TBC1D15: variants seen among roughly 807,000 people sequenced by gnomAD.
TBC1D15 encodes GAP for RAB7.
TBC1D15 carries 39 observed loss-of-function variants against 95.4 expected under a neutral mutation model. That is an observed-to-expected ratio of 0.41 (90% CI 0.32 to 0.53). TBC1D15 has a LOEUF of 0.53. Among genes scored for constraint, TBC1D15 ranks in the 20% least tolerant of loss-of-function variants. TBC1D15 has a pLI of 0.29. For missense variants in TBC1D15, 733 were observed against 794.3 expected, an observed-to-expected ratio of 0.92 and a Z score of 0.93; for synonymous variants, 258 against 261.3, an observed-to-expected ratio of 0.99 and a Z score of 0.12.
At chr12:71,850,146 A>G (rs1268899402) in intron 1 of TBC1D15, 1 of 545,196 alleles carries the variant, frequency 1.8e-6, no homozygotes, top group Non-Finnish European at 3.5e-6. Flanking sequence ...TTCTCATGAT[A>G]ATCATATTAT....
intron 10 of TBC1D15, among the ~76,000 whole-genome samples, 191 bp from the exon 11 acceptor site, chr12:71,906,831 T>G (rs1396493046): frequency 6.6e-6 from 1 of 152,182 alleles, no homozygotes; most frequent in Non-Finnish European, 1.5e-5. Context: ...GAGGACTGAT[T>G]CTTGAAAAAA....
chr12:71,916,426 G>A (rs936565967), intron 12 of TBC1D15, among the ~76,000 whole-genome samples: 31 of 152,122 alleles, frequency 2.0e-4, no homozygotes, highest in African/African-American at 7.2e-4. Flanking sequence ...CTTCTCTATA[G>A]ATCTCTCTGG....
intron 5 of TBC1D15, among the ~76,000 whole-genome samples, chr12:71,886,613 T>A (rs1896284008): frequency 6.6e-6 from 1 of 152,258 alleles, no homozygotes; most frequent in Non-Finnish European, 1.5e-5. Context: ...GTGTATTTTC[T>A]GGCCTGAGAT....
intron 1 of TBC1D15, chr12:71,849,462 A>G: frequency 1.0e-6 from 1 of 982,046 alleles, no homozygotes; most frequent in Non-Finnish European, 1.6e-6. Context: ...GGAAGATTCC[A>G]AACTCATTCC....
At chr12:71,900,058 G>T (rs1899014278) in intron 10 of TBC1D15, among the ~76,000 whole-genome samples, 1 of 152,104 alleles carries the variant, frequency 6.6e-6, no homozygotes, top group Non-Finnish European at 1.5e-5. Context: ...GTGTGAAGGG[G>T]AAAGAGAAAT....
At chr12:71,854,577 A>G (rs1888589344) in intron 1 of TBC1D15, 1 of 456,590 alleles carries the variant, frequency 2.2e-6, no homozygotes, top group African/African-American at 2.0e-5. Flanking sequence ...CATTATCAGC[A>G]AGATATTCAA....
Position 71,897,940 on chromosome 12 carries a change from C to G in TBC1D15, c.1182C>G (p.Ile394Met). Residue 394 changes from isoleucine (I) to methionine (M), a missense_variant and splice_region_variant, in exon 10 of 17, where the codon ATC (isoleucine) becomes ATG (methionine). Transcript: ENST00000485960. ...GGTTAAGAGATTATAGAAGTCTTAT[C>G]GGTAATTTTTTCTTAACAACTTTGG... The part of the protein sequence containing the change: ...NSRLRDYRSL[I>M]EKDVNRTDRT... 6.2e-7 allele frequency: 1 copy of G among 1,609,770 alleles called. No individual in the cohort carries two copies. Among genetic ancestry groups the G allele is most frequent in the Non-Finnish European group, 8.5e-7 (1 of 1,177,230 alleles).
rs765120637 is a variant in TBC1D15, at chr12:71,917,738, A to T, written c.1442A>T (p.Gln481Leu). 1 of 1,613,046 alleles carries T rather than the reference A, an allele frequency of 6.2e-7. No individual in the cohort carries two copies. The highest frequency in any genetic ancestry group is 1.1e-5 in the South Asian group (1 of 90,902). ...GAACAAATGCAAGGCATGAAGACCCAGCTAATTCAGCTGAGTACCTTACTT... is the reference window on the plus strand; with the variant it reads ...GAACAAATGCAAGGCATGAAGACCCTGCTAATTCAGCTGAGTACCTTACTT... ...FEEQMQGMKTQLIQLSTLLRL... is the reference protein window; with the variant it reads ...FEEQMQGMKTLLIQLSTLLRL... Residue 481 changes from glutamine (Q) to leucine (L), a missense_variant, in exon 13 of 17, where the codon CAG becomes CTG. Physicochemically the swap from Gln to Leu is moderately radical, Grantham distance 113. Coordinates refer to ENST00000485960, the MANE Select transcript of TBC1D15 (RefSeq NM_001146213.3).
At chr12:71,901,065 T>C (rs543501106) in intron 10 of TBC1D15, among the ~76,000 whole-genome samples, 9 of 152,312 alleles carry the variant, frequency 5.9e-5, no homozygotes, top group Middle Eastern at 3.4e-3. Flanking sequence ...AGATTCTTGC[T>C]TGTCACCCAG....
chr12:71,889,880 A>G (rs553597166), intron 5 of TBC1D15, among the ~76,000 whole-genome samples: 24 of 152,258 alleles, frequency 1.6e-4, no homozygotes, highest in Admixed American at 8.5e-4. Flanking sequence ...CTTATAAGTG[A>G]GAACATGTAG....
At chr12:71,864,149 A>C (rs1460576569) in intron 1 of TBC1D15, among the ~76,000 whole-genome samples, 2 of 151,700 alleles carry the variant, frequency 1.3e-5, no homozygotes, top group Non-Finnish European at 2.9e-5. Flanking sequence ...GGCTCACTGC[A>C]ACCTCTGCCT....
intron 10 of TBC1D15, among the ~76,000 whole-genome samples, chr12:71,902,504 C>T (rs572279890): frequency 6.6e-6 from 1 of 152,256 alleles, no homozygotes; most frequent in East Asian, 1.9e-4. Context: ...AATAAATGTT[C>T]CTGGGATAAC....
At chr12:71,883,129 T>C (rs1228348222) in intron 4 of TBC1D15, among the ~76,000 whole-genome samples, 4 of 149,764 alleles carry the variant, frequency 2.7e-5, no homozygotes, top group East Asian at 2.0e-4. Flanking sequence ...TCTTTCTTTT[T>C]TTCTTTTTTT....
rs776011192 is a variant in TBC1D15, at chr12:71,880,451, A to G, written c.205-18A>G. The G allele has an allele frequency of 2.6e-6, 4 of 1,525,778 alleles. No homozygotes were observed. Among genetic ancestry groups the G allele is most frequent in the Non-Finnish European group, 3.5e-6 (4 of 1,133,376 alleles). 94.5% of individuals were successfully genotyped at this position (1,525,778 alleles called of 1,614,324 possible). A position where few individuals can be genotyped will look rare whatever the true frequency, so the allele number is the denominator to read the frequency against. On this transcript the variant is annotated intron_variant, in intron 3 of 16. Coordinates refer to ENST00000485960, the MANE Select transcript of TBC1D15 (RefSeq NM_001146213.3). The stretch of plus-strand genomic sequence containing the variant: ...TTGTTTTAGACTTTAAATATTTTAT[A>G]TGTTATAATTATTTTAGGACTCCAG...
chr12:71,882,070 T>A (rs1895300361), intron 4 of TBC1D15, among the ~76,000 whole-genome samples: 1 of 151,950 alleles, frequency 6.6e-6, no homozygotes, highest in East Asian at 1.9e-4. Context: ...TCTAAAAGTT[T>A]TTTTCCCCCC....
intron 12 of TBC1D15, among the ~76,000 whole-genome samples, chr12:71,916,771 G>T (rs886282486): frequency 6.6e-5 from 10 of 152,138 alleles, no homozygotes; most frequent in African/African-American, 2.4e-4. Context: ...CCTTGACTCA[G>T]GTGTTGGTAG....
At chr12:71,881,191 C>T (rs189590340) in intron 4 of TBC1D15, among the ~76,000 whole-genome samples, 9 of 152,268 alleles carry the variant, frequency 5.9e-5, no homozygotes, top group South Asian at 4.1e-4. Context: ...AGTCTTTGTA[C>T]GGTCACAGTG....
chr12:71,854,616 GA>G, intron 1 of TBC1D15: 1 of 456,704 alleles, frequency 2.2e-6, no homozygotes, highest in Non-Finnish European at 4.4e-6. Context: ...TGTATTTAGA[GA>G]ATGTGCCAGT....
chr12:71,895,659 C>T (rs1431941759), intron 7 of TBC1D15, among the ~76,000 whole-genome samples: 1 of 152,020 alleles, frequency 6.6e-6, no homozygotes, highest in Non-Finnish European at 1.5e-5. Flanking sequence ...TCTATACTTA[C>T]ATAATTGAAC....
Sources: gnomAD v4.1 joint callset for allele counts (sites outside exome capture counted in the v4.1 genomes callset) on GRCh38, gnomAD v4.1.1 for gene constraint, MANE v1.5 for transcripts, NCBI Gene and HGNC (gene_info 2026-07-23, HGNC 2026-07-21) for gene names.